The following HDAC9 variants were observed in gnomAD, a reference collection of about 807,000 sequenced individuals.
HDAC9 encodes MEF-2 interacting transcription repressor (MITR) protein.
In HDAC9, 41 loss-of-function variants were observed where a neutral mutation model predicts 139.4. The ratio of observed to expected loss-of-function variants is 0.29; its 90% confidence interval spans 0.23 to 0.38. The LOEUF (loss-of-function observed/expected upper bound fraction) is 0.38. Ranked by LOEUF, HDAC9 falls within the 10% of genes least tolerant of loss-of-function variation. The pLI is 1.00. For synonymous variants in HDAC9, 517 were observed against 476.2 expected (o/e 1.09, Z -1.12); for missense variants, 1,147 against 1,297.0 (o/e 0.88, Z 1.78).
intron 13 of HDAC9, among the ~76,000 whole-genome samples, chr7:18,744,382 C>T (rs891098485): frequency 6.6e-6 from 1 of 152,168 alleles, no homozygotes; most frequent in Non-Finnish European, 1.5e-5. Flanking sequence ...ACTGATTCTG[C>T]ATCTTCCAGG....
intron 2 of HDAC9, among the ~76,000 whole-genome samples, chr7:18,556,489 G>C (rs1401645054): frequency 6.6e-6 from 1 of 151,980 alleles, no homozygotes; most frequent in Non-Finnish European, 1.5e-5. Context: ...ATTCTTTTAC[G>C]ATAGCAGTAT....
intron 2 of HDAC9, among the ~76,000 whole-genome samples, chr7:18,184,020 G>A (rs1277877838): frequency 2.0e-5 from 3 of 152,120 alleles, no homozygotes. Context: ...GTTATTGCAT[G>A]TTGAGTATTC....
chr7:18,386,474 C>T (rs1290036048), intron 1 of HDAC9, among the ~76,000 whole-genome samples: 1 of 152,062 alleles, frequency 6.6e-6, no homozygotes, highest in African/African-American at 2.4e-5. Flanking sequence ...AGCCTTGTGG[C>T]CCCCCTATGC....
intron 2 of HDAC9, among the ~76,000 whole-genome samples, chr7:18,498,762 A>G (rs947174918): frequency 6.6e-6 from 1 of 152,032 alleles, no homozygotes; most frequent in East Asian, 1.9e-4. Context: ...CTGAAGAATA[A>G]TGATGTCCTC....
chr7:18,291,398 G>A (rs1004365792), intron 1 of HDAC9, among the ~76,000 whole-genome samples: 2 of 151,936 alleles, frequency 1.3e-5, no homozygotes, highest in Admixed American at 1.3e-4. Context: ...TAACCTTTCT[G>A]TGTCTCAGTT....
In HDAC9 at chr7:18,590,400, A is replaced by C; in HGVS notation, c.329A>C (p.Glu110Ala). Residue 110 changes from glutamate to alanine, a missense_variant, in exon 4 of 26, where the codon GAG becomes GCG. By Grantham distance (107) the Glu-to-Ala change is moderately radical. Around this residue, in one of 7 missense-constraint regions of HDAC9, gnomAD observed 136 missense variants for 183.5 expected, o/e 0.74. Coordinates refer to ENST00000686413, the MANE Select transcript of HDAC9 (RefSeq NM_178425.4). ...CTCCTAGAAAAGGAGCAGAAACTGG[A>C]GCAGCAGAGGCAAGAACAGGAAGTA... ...QELLEKEQKL[E>A]QQRQEQEVER... 1 of 1,610,766 alleles carries C rather than the reference A, an allele frequency of 6.2e-7. No individual in the cohort carries two copies.
At position 18,843,740 on chromosome 7, in the gene HDAC9, A is replaced by C. The variant is rs1796733430; in HGVS notation, c.2684+7743A>C. Among the ~76,000 whole-genome samples, 4 of 152,122 alleles carry C rather than the reference A, an allele frequency of 2.6e-5. No homozygotes were observed. In the South Asian group the frequency reaches 8.3e-4, roughly 31 times the overall value. On this transcript the variant is annotated intron_variant, in intron 21 of 25. Coordinates refer to ENST00000686413, the MANE Select transcript of HDAC9 (RefSeq NM_178425.4). ...AAGTTTACTACTACTAGACTTATTG[A>C]GATGACAAATAATGTGGAAAAAAGA...
intron 16 of HDAC9, among the ~76,000 whole-genome samples, chr7:18,788,123 G>C (rs373577625): frequency 6.6e-6 from 1 of 152,198 alleles, no homozygotes; most frequent in East Asian, 1.9e-4. Context: ...AGCTGAGGTC[G>C]GCAGCAGATT....
chr7:18,191,257 A>G (rs1453796429), intron 2 of HDAC9, among the ~76,000 whole-genome samples: 1 of 152,186 alleles, frequency 6.6e-6, no homozygotes, highest in Non-Finnish European at 1.5e-5. Flanking sequence ...AAGGAAAGAT[A>G]TATTGCCATT....
chr7:18,783,103 A>G (rs1422718435), intron 16 of HDAC9, among the ~76,000 whole-genome samples: 1 of 152,080 alleles, frequency 6.6e-6, no homozygotes, highest in Non-Finnish European at 1.5e-5. Flanking sequence ...GGGTTAAACC[A>G]GTCTGTAGGT....
At chr7:18,515,337 A>C (rs1802832695) in intron 2 of HDAC9, among the ~76,000 whole-genome samples, 1 of 152,228 alleles carries the variant, frequency 6.6e-6, no homozygotes, top group Non-Finnish European at 1.5e-5. Flanking sequence ...CGTTGCCAAA[A>C]ACACATCAGT....
At chr7:18,124,467 A>G (rs1371595369) in intron 1 of HDAC9, among the ~76,000 whole-genome samples, 1 of 152,206 alleles carries the variant, frequency 6.6e-6, no homozygotes, top group African/African-American at 2.4e-5. Context: ...CACTTACTTT[A>G]TTACAAGCAG....
intron 2 of HDAC9, among the ~76,000 whole-genome samples, chr7:18,277,240 G>A (rs1446455829): frequency 2.0e-5 from 3 of 152,152 alleles, no homozygotes; most frequent in East Asian, 3.9e-4. Context: ...AGGAGCGATC[G>A]CCTGCGGCAC....
intron 22 of HDAC9, among the ~76,000 whole-genome samples, chr7:18,909,655 GA>G (rs970094832): frequency 1.3e-5 from 2 of 151,728 alleles, no homozygotes; most frequent in Non-Finnish European, 3.0e-5. Flanking sequence ...TTAAATTTTA[GA>G]TTCATTACAT....
At chr7:18,239,109 A>G (rs1794018704) in intron 2 of HDAC9, among the ~76,000 whole-genome samples, 1 of 152,168 alleles carries the variant, frequency 6.6e-6, no homozygotes, top group Non-Finnish European at 1.5e-5. Flanking sequence ...TCTGAGTGTC[A>G]GAGTACACAT....
At chr7:18,764,519 T>C (rs1489551134) in intron 15 of HDAC9, among the ~76,000 whole-genome samples, 2 of 152,220 alleles carry the variant, frequency 1.3e-5, no homozygotes, top group Non-Finnish European at 2.9e-5. Flanking sequence ...CTAATTTTTC[T>C]CAATCTCAGT....
At chr7:18,693,604 A>G (rs999700176) in intron 12 of HDAC9, among the ~76,000 whole-genome samples, 4 of 152,152 alleles carry the variant, frequency 2.6e-5, no homozygotes, top group South Asian at 2.1e-4. Flanking sequence ...GGGGTTGCTC[A>G]TAGAGCAGGA....
chr7:18,648,266 C>T (rs1415028801), intron 10 of HDAC9, among the ~76,000 whole-genome samples, 200 bp from the exon 11 acceptor site: 1 of 152,064 alleles, frequency 6.6e-6, no homozygotes. Flanking sequence ...TGTCCAATGC[C>T]TTGACATTTC....
At chr7:18,497,575 A>G (rs755178671) in intron 2 of HDAC9, among the ~76,000 whole-genome samples, 15 of 152,176 alleles carry the variant, frequency 9.9e-5, no homozygotes, top group Non-Finnish European at 1.6e-4. Flanking sequence ...ATGTTAATGA[A>G]TAGTGCCTGC....
Sources: gnomAD v4.1 joint callset for allele counts (sites outside exome capture counted in the v4.1 genomes callset) on GRCh38, gnomAD v4.1.1 for gene constraint, gnomAD v4.1.1 regional missense constraint, MANE v1.5 for transcripts, NCBI Gene and HGNC (gene_info 2026-07-23, HGNC 2026-07-21) for gene names.